RTN4RL1: variants seen among roughly 807,000 people sequenced by gnomAD.
RTN4RL1 encodes the protein reticulon 4 receptor like 1, also known as reticulon-4 receptor-like 1.
In RTN4RL1, 7 loss-of-function variants were observed where a neutral mutation model predicts 25.6. That is an observed-to-expected ratio of 0.27 (90% CI 0.16 to 0.51). The LOEUF (loss-of-function observed/expected upper bound fraction) is 0.51, where lower values mean the gene tolerates loss of function less well. RTN4RL1 is among the 20% of genes least tolerant of loss of function. RTN4RL1 has a pLI of 0.97. For missense variants in RTN4RL1, 500 were observed against 615.6 expected, an observed-to-expected ratio of 0.81 and a Z score of 1.99; for synonymous variants, 297 against 288.2, an observed-to-expected ratio of 1.03 and a Z score of -0.31.
chr17:1,936,775 G>A lies in RTN4RL1; in HGVS notation c.1047C>T (p.His349=), dbSNP rs1303525422. 8.2e-6 allele frequency: 13 copies of A among 1,594,032 alleles called. No homozygotes were observed. In the Admixed American group the frequency reaches 2.3e-4, roughly 28 times the overall value. Residue 349 remains histidine, a synonymous_variant, in exon 2 of 2, where the codon CAC becomes CAT. Transcript: ENST00000331238. ...TGGTGCAGTTCTTCCCCGGCTTCCT[G>A]TGGCCGGGCCGGGGGCCGTGCGGGT... ...KGHPHGPRPG[H]RKPGKNCTNP... is the part of the protein sequence containing the mutation.
At chr17:1,970,831 C>T (rs2066815405) in intron 1 of RTN4RL1, among the ~76,000 whole-genome samples, 1 of 152,150 alleles carries the variant, frequency 6.6e-6, no homozygotes, top group Admixed American at 6.5e-5. Context: ...TATTTTTAAA[C>T]CTCTCAAGCA....
At chr17:1,965,067 G>GT (rs1567511396) in intron 1 of RTN4RL1, among the ~76,000 whole-genome samples, 1 of 149,490 alleles carries the variant, frequency 6.7e-6, no homozygotes, top group Non-Finnish European at 1.5e-5. Context: ...GATTACAGGC[G>GT]TGAGCCACCG....
chr17:1,937,867 C>T, intron 1 of RTN4RL1, 59 bp from the exon 2 acceptor site: 4 of 1,321,372 alleles, frequency 3.0e-6, no homozygotes, highest in Non-Finnish European at 4.1e-6. Flanking sequence ...ACTGGCACCG[C>T]ACCCTCCGGC....
intron 1 of RTN4RL1, among the ~76,000 whole-genome samples, chr17:2,015,163 G>C (rs933794156): frequency 6.6e-6 from 1 of 152,200 alleles, no homozygotes; most frequent in African/African-American, 2.4e-5. Context: ...GAGGTGCAAA[G>C]GGCATCATGG....
At position 1,956,502 on chromosome 17, in the gene RTN4RL1, GCA is replaced by G. The variant is rs550706662; in HGVS notation, c.14-18696_14-18695del. ...CTGAGGGCCTGGGGCCAGAGGCAAT[GCA>G]CAGTTACTTAACAGAAGAGGGATGC... is the stretch of plus-strand genomic sequence containing the variant. On this transcript the variant is annotated intron_variant, in intron 1 of 1. Coordinates refer to ENST00000331238, the MANE Select transcript of RTN4RL1 (RefSeq NM_178568.4). Among the ~76,000 whole-genome samples, 153 of 152,284 alleles carry G rather than the reference GCA, an allele frequency of 1.0e-3. 2 individuals carry two copies. In the Middle Eastern group the frequency reaches 0.014, roughly 14 times the overall value.
chr17:1,961,419 C>T (rs1315446443), intron 1 of RTN4RL1, among the ~76,000 whole-genome samples: 3 of 152,166 alleles, frequency 2.0e-5, no homozygotes, highest in Non-Finnish European at 4.4e-5. Context: ...GTAGGAGTCA[C>T]GTGACGGCCT....
intron 1 of RTN4RL1, among the ~76,000 whole-genome samples, chr17:1,991,530 A>G (rs1567518507): frequency 6.6e-6 from 1 of 151,028 alleles, no homozygotes; most frequent in East Asian, 1.9e-4. Flanking sequence ...CCTCTCCCAG[A>G]CCTCCAGGCC....
chr17:1,946,048 G>C lies in RTN4RL1; in HGVS notation c.14-8240C>G, dbSNP rs1243998824. Reference sequence around the variant, plus strand: ...TCTGGAGGCTTCCTGGTCAATCACGGGGTGACCACACGGTGAGGAGAGCTC... The same window carrying C: ...TCTGGAGGCTTCCTGGTCAATCACGCGGTGACCACACGGTGAGGAGAGCTC... On this transcript the variant is annotated intron_variant, in intron 1 of 1. Coordinates refer to ENST00000331238, the MANE Select transcript of RTN4RL1 (RefSeq NM_178568.4). 3.9e-5 allele frequency among the ~76,000 whole-genome samples: 6 copies of C among 152,172 alleles called. No homozygotes were observed. In the East Asian group the frequency reaches 9.6e-4, roughly 24 times the overall value.
At chr17:2,021,238 C>CAG (rs1420733399) in intron 1 of RTN4RL1, among the ~76,000 whole-genome samples, 2 of 152,162 alleles carry the variant, frequency 1.3e-5, no homozygotes, top group African/African-American at 2.4e-5. Flanking sequence ...AACCAGGAAT[C>CAG]AGAGAGATGA....
At chr17:1,992,943 A>G (rs1371344981) in intron 1 of RTN4RL1, among the ~76,000 whole-genome samples, 1 of 152,102 alleles carries the variant, frequency 6.6e-6, no homozygotes, top group Non-Finnish European at 1.5e-5. Context: ...ACTGTGACAC[A>G]ATGAAACTAC....
intron 1 of RTN4RL1, among the ~76,000 whole-genome samples, chr17:1,962,837 G>A (rs924941106): frequency 7.0e-6 from 1 of 142,566 alleles, no homozygotes; most frequent in Non-Finnish European, 1.5e-5. Flanking sequence ...ACTCCAGCCT[G>A]GGCGGCAGAG....
chr17:1,980,553 C>T (rs1017285193), intron 1 of RTN4RL1, among the ~76,000 whole-genome samples: 11 of 152,042 alleles, frequency 7.2e-5, no homozygotes, highest in Non-Finnish European at 1.0e-4. Flanking sequence ...TTCTTTATAG[C>T]GTTCTGTACT....
intron 1 of RTN4RL1, among the ~76,000 whole-genome samples, chr17:1,952,331 G>GTTTTTTTTTTTTTTTTTTTTT (rs1213295319): frequency 1.0e-5 from 1 of 99,774 alleles, no homozygotes; most frequent in Non-Finnish European, 2.4e-5. Context: ...AAGGGAGGTT[G>GTTTTTTTTTTTTTTTTTTTTT]GTTTTTTTTT....
intron 1 of RTN4RL1, among the ~76,000 whole-genome samples, chr17:1,938,802 A>T (rs1404610935): frequency 6.8e-6 from 1 of 147,902 alleles, no homozygotes. Context: ...TGTAATCCCA[A>T]CACTTTGGGA....
At chr17:1,954,748 C>G (rs555766259) in intron 1 of RTN4RL1, among the ~76,000 whole-genome samples, 7 of 152,288 alleles carry the variant, frequency 4.6e-5, no homozygotes, top group African/African-American at 1.7e-4. Flanking sequence ...CCAACTGGTT[C>G]CTGGTACATA....
At position 2,002,648 on chromosome 17, in the gene RTN4RL1, CTTCCT is replaced by C. The variant is rs373508057; in HGVS notation, c.13+22200_13+22204del. 3.0e-3 allele frequency among the ~76,000 whole-genome samples: 449 copies of C among 152,154 alleles called. 3 individuals carry two copies. The highest frequency in any genetic ancestry group is 0.01 in the African/African-American group (430 of 41,482). On this transcript the variant is annotated intron_variant, in intron 1 of 1. Transcript: ENST00000331238. Reference sequence around the variant, plus strand: ...CCCTCCTCCCTCCCTCCCTTCCTTCCTTCCTTTCTTTTCTCTGTCTCTGTCTCCCT... The same window carrying C: ...CCCTCCTCCCTCCCTCCCTTCCTTCCTTCTTTTCTCTGTCTCTGTCTCCCT...
intron 1 of RTN4RL1, chr17:2,019,092 G>C (rs2067165466): frequency 6.6e-6 from 1 of 152,232 alleles, no homozygotes; most frequent in Admixed American, 6.5e-5. Context: ...TAGCCTTGGA[G>C]CTGATGGTTC....
rs777805458 is a variant in RTN4RL1, at chr17:1,961,983, G to GAAAAGA, written c.14-24176_14-24175insTCTTTT. ...AAGAAAAGAAAAGAAAGAAAAGAAA[G>GAAAAGA]AAAGAAAAGAAAAGCAGGCCGGGCG... On this transcript the variant is annotated intron_variant, in intron 1 of 1. Transcript: ENST00000331238. Among the ~76,000 whole-genome samples the GAAAAGA allele has an allele frequency of 3.8e-4, 55 of 143,068 alleles. 1 individual carries two copies. The South Asian group carries it at 6.8e-3, about 18-fold the overall frequency. 93.9% of individuals were successfully genotyped at this position (143,068 alleles called of 152,430 possible).
chr17:1,992,122 T>C (rs1287160748), intron 1 of RTN4RL1, among the ~76,000 whole-genome samples: 8 of 152,034 alleles, frequency 5.3e-5, no homozygotes, highest in Non-Finnish European at 7.4e-5. Flanking sequence ...CCCAGCACTT[T>C]GGGAGGCCGC....
Sources: gnomAD v4.1 joint callset for allele counts (sites outside exome capture counted in the v4.1 genomes callset) on GRCh38, gnomAD v4.1.1 for gene constraint, MANE v1.5 for transcripts, NCBI Gene and HGNC (gene_info 2026-07-23, HGNC 2026-07-21) for gene names.